The following RGS8 variants were observed in gnomAD, a reference collection of about 807,000 sequenced individuals.
The protein encoded by RGS8 is regulator of G-protein signaling 8.
RGS8 carries 8 observed loss-of-function variants against 21.7 expected under a neutral mutation model. That is an observed-to-expected ratio of 0.37 (90% confidence interval 0.22 to 0.66). RGS8 has a LOEUF of 0.66. Ranked by LOEUF, RGS8 falls within the 30% of genes least tolerant of loss-of-function variation. RGS8 has a pLI of 0.59. For missense variants in RGS8, 157 were observed against 217.9 expected, an observed-to-expected ratio of 0.72 and a Z score of 1.76; for synonymous variants, 80 against 83.6, an observed-to-expected ratio of 0.96 and a Z score of 0.24.
chr1:182,700,116 G>A, the RGS8 span, among the ~76,000 whole-genome samples: 2 of 152,192 alleles, frequency 1.3e-5, no homozygotes, highest in African/African-American at 4.8e-5. Flanking sequence ...GCCCGCCGAG[G>A]GGAGAACTAG....
At chr1:182,742,814 G>A in the RGS8 span, among the ~76,000 whole-genome samples, 2 of 151,836 alleles carry the variant, frequency 1.3e-5, no homozygotes, top group African/African-American at 4.8e-5. Context: ...ACTTTTTTAT[G>A]TAGTTAAAAG....
chr1:182,672,873 G>C, upstream of RGS8: 1 of 1,613,208 alleles, frequency 6.2e-7, no homozygotes. Context: ...CTCTCTTCCT[G>C]CTTGCCCTAG....
the RGS8 span, among the ~76,000 whole-genome samples, chr1:182,712,576 T>A: frequency 2.0e-5 from 3 of 152,212 alleles, no homozygotes; most frequent in Admixed American, 6.5e-5. Flanking sequence ...AATATGGGCA[T>A]CCTTCAAAAT....
the RGS8 span, among the ~76,000 whole-genome samples, chr1:182,721,531 C>T: frequency 2.0e-5 from 3 of 152,138 alleles, no homozygotes; most frequent in Non-Finnish European, 4.4e-5. Context: ...GCCAATAATG[C>T]CTAAGAAAAG....
the RGS8 span, among the ~76,000 whole-genome samples, chr1:182,709,191 C>T: frequency 6.6e-6 from 1 of 152,092 alleles, no homozygotes; most frequent in Non-Finnish European, 1.5e-5. Context: ...GTTGTGGGTC[C>T]TTAGTGGGAA....
At chr1:182,674,491 C>T (rs114042233), upstream of RGS8, among the ~76,000 whole-genome samples, 2,321 of 152,004 alleles carry the variant, frequency 0.015, 23 homozygotes, top group Non-Finnish European at 0.024. Context: ...CAAAACACTC[C>T]TAAATGCCAA....
At position 182,670,363 on chromosome 1, in the gene RGS8, C is replaced by T. The variant is rs563580205; in HGVS notation, c.-103-611G>A. Reference sequence around the variant, plus strand: ...TCTTGCCCATATGGAGCCTACATGACCTTCCTCAGCCTGGGGCCTGGCCTA... The same window carrying T: ...TCTTGCCCATATGGAGCCTACATGATCTTCCTCAGCCTGGGGCCTGGCCTA... On this transcript the variant is annotated intron_variant, in intron 2 of 6. Transcript: ENST00000483095. Among the ~76,000 whole-genome samples, 5 of 152,352 alleles carry T rather than the reference C, an allele frequency of 3.3e-5. No individual in the cohort carries two copies. The East Asian group carries it at 7.7e-4, about 23-fold the overall frequency.
intron 2 of RGS8, among the ~76,000 whole-genome samples, chr1:182,671,140 G>T (rs1168614474): frequency 1.3e-5 from 2 of 152,152 alleles, no homozygotes; most frequent in Non-Finnish European, 2.9e-5. Flanking sequence ...ACACTGGCTT[G>T]CCCATGCTGT....
the RGS8 span, among the ~76,000 whole-genome samples, chr1:182,724,201 G>GAGAT: frequency 7.1e-5 from 3 of 42,082 alleles, no homozygotes; most frequent in Non-Finnish European, 1.4e-4. Flanking sequence ...GGCTAGACTG[G>GAGAT]ATATATATAT....
chr1:182,667,432 G>C (rs1456740615), intron 3 of RGS8, among the ~76,000 whole-genome samples: 1 of 152,180 alleles, frequency 6.6e-6, no homozygotes, highest in African/African-American at 2.4e-5. Flanking sequence ...GTGCATATCA[G>C]AGTCTTAAGC....
the RGS8 span, among the ~76,000 whole-genome samples, chr1:182,713,265 C>A: frequency 6.6e-6 from 1 of 151,884 alleles, no homozygotes; most frequent in Non-Finnish European, 1.5e-5. Context: ...CTCACTGCAA[C>A]CTCCAGCTCC....
the RGS8 span, among the ~76,000 whole-genome samples, chr1:182,726,929 C>T: frequency 6.6e-6 from 1 of 152,132 alleles, no homozygotes; most frequent in African/African-American, 2.4e-5. Flanking sequence ...TTATCATGGA[C>T]CTTCCTGGCT....
chr1:182,700,352 C>A, the RGS8 span, among the ~76,000 whole-genome samples: 1 of 152,184 alleles, frequency 6.6e-6, no homozygotes, highest in African/African-American at 2.4e-5. Context: ...ACATTCCCCG[C>A]GACACACACG....
intron 5 of RGS8, among the ~76,000 whole-genome samples, chr1:182,658,942 C>T (rs1266824042): frequency 1.3e-5 from 2 of 152,180 alleles, no homozygotes; most frequent in Non-Finnish European, 2.9e-5. Flanking sequence ...TTATTGGCAA[C>T]CATTTGATAT....
chr1:182,716,285 C>T, the RGS8 span, among the ~76,000 whole-genome samples: 1 of 151,914 alleles, frequency 6.6e-6, no homozygotes, highest in South Asian at 2.1e-4. Flanking sequence ...GCCACCATGC[C>T]TGGCTAATTT....
At chr1:182,655,287 G>T (rs976244143) in intron 5 of RGS8, among the ~76,000 whole-genome samples, 1 of 152,312 alleles carries the variant, frequency 6.6e-6, no homozygotes, top group Non-Finnish European at 1.5e-5. Context: ...GGAAGGAGAG[G>T]ACTCCCACTG....
chr1:182,707,240 T>C, the RGS8 span, among the ~76,000 whole-genome samples: 1 of 152,170 alleles, frequency 6.6e-6, no homozygotes, highest in Non-Finnish European at 1.5e-5. Flanking sequence ...ACTACTGTAA[T>C]AGTAGCCTAA....
chr1:182,681,166 G>A (rs1254265826), intron 1 of RGS8, among the ~76,000 whole-genome samples: 1 of 152,224 alleles, frequency 6.6e-6, no homozygotes, highest in Non-Finnish European at 1.5e-5. Flanking sequence ...GAGAGGTGTG[G>A]AGGCTGCATG....
intron 1 of RGS8, among the ~76,000 whole-genome samples, chr1:182,682,654 T>C (rs1664574210): frequency 6.6e-6 from 1 of 152,162 alleles, no homozygotes; most frequent in Non-Finnish European, 1.5e-5. Context: ...AGCTGCTCAG[T>C]GGCCCTGAGT....
Sources: gnomAD v4.1 joint callset for allele counts (sites outside exome capture counted in the v4.1 genomes callset) on GRCh38, gnomAD v4.1.1 for gene constraint, MANE v1.5 for transcripts, NCBI Gene and HGNC (gene_info 2026-07-23, HGNC 2026-07-21) for gene names.